The following TCF12 variants were observed in gnomAD, a reference collection of about 807,000 sequenced individuals.
The protein encoded by TCF12 is DNA-binding protein HTF4.
A neutral mutation model predicts 86.0 loss-of-function variants in TCF12; 45 were observed. The observed-to-expected ratio is 0.52, with a 90% CI of 0.41 to 0.67. The LOEUF (loss-of-function observed/expected upper bound fraction) is 0.67. Among genes scored for constraint, TCF12 ranks in the 30% least tolerant of loss-of-function variants. TCF12 has a pLI of 0.00. For synonymous variants in TCF12, 330 were observed against 299.6 expected (o/e 1.10, Z -1.05); for missense variants, 881 against 859.9 (o/e 1.02, Z -0.31).
intron 5 of TCF12, among the ~76,000 whole-genome samples, chr15:57,113,176 A>G (rs1202510343): frequency 6.6e-6 from 1 of 151,922 alleles, no homozygotes; most frequent in Non-Finnish European, 1.5e-5. Context: ...GTGACTCCCT[A>G]TTTCTAGAGC....
At chr15:57,109,115 A>C (rs2050322282) in intron 5 of TCF12, 1 of 152,204 alleles carries the variant, frequency 6.6e-6, no homozygotes, top group Non-Finnish European at 1.5e-5. Context: ...CTAAATCTCA[A>C]ATTTCCCTTT....
In TCF12 at chr15:56,954,663, A is replaced by C. The variant is rs185667230; in HGVS notation, c.148+33565A>C. On this transcript the variant is annotated intron_variant, in intron 3 of 20. Transcript: ENST00000333725. ...TACAAAATGGGAGAAGATTTTTGCA[A>C]TCTACCTATCTGACAAAGGGCTAAT... Among the ~76,000 whole-genome samples the C allele has an allele frequency of 2.0e-5, 3 of 152,342 alleles. No individual in the cohort carries two copies. In the East Asian group the frequency reaches 5.8e-4, roughly 29 times the overall value.
intron 3 of TCF12, among the ~76,000 whole-genome samples, chr15:57,020,363 A>C (rs1275271713): frequency 6.6e-6 from 1 of 152,138 alleles, no homozygotes; most frequent in African/African-American, 2.4e-5. Context: ...CTATTTCTTA[A>C]AGTATAGAAG....
chr15:56,975,947 G>A (rs2062572924), intron 3 of TCF12, among the ~76,000 whole-genome samples: 1 of 151,094 alleles, frequency 6.6e-6, no homozygotes, highest in Non-Finnish European at 1.5e-5. Context: ...AAGGACTCAG[G>A]GTCCAATTTG....
At position 57,272,487 on chromosome 15, in the gene TCF12, G is replaced by T. The variant is rs111977795; in HGVS notation, c.1746-543G>T. On this transcript the variant is annotated intron_variant, in intron 18 of 20. Coordinates refer to ENST00000333725, the MANE Select transcript of TCF12 (RefSeq NM_207037.2). ...TCTTAAGCTTTCCTTCTTTCTTTTCGCCAGGTAACCGCCAGAGTATATTTA... is the reference window on the plus strand; with the variant it reads ...TCTTAAGCTTTCCTTCTTTCTTTTCTCCAGGTAACCGCCAGAGTATATTTA... 1.6e-3 allele frequency among the ~76,000 whole-genome samples: 236 copies of T among 152,010 alleles called. 1 individual carries two copies. The highest frequency in any genetic ancestry group is 5.5e-3 in the African/African-American group (228 of 41,416).
At chr15:56,957,513 G>A (rs1236431779) in intron 3 of TCF12, among the ~76,000 whole-genome samples, 3 of 152,044 alleles carry the variant, frequency 2.0e-5, no homozygotes, top group African/African-American at 7.3e-5. Flanking sequence ...CCTGTTCAGT[G>A]TACTTTTCAT....
intron 8 of TCF12, among the ~76,000 whole-genome samples, chr15:57,223,643 G>GATTTTTTTTTT (rs2058707540): frequency 1.4e-5 from 1 of 69,666 alleles, no homozygotes; most frequent in Non-Finnish European, 2.8e-5. Context: ...TACCAATGAG[G>GATTTTTTTTTT]TTTTTTTTTT....
intron 3 of TCF12, among the ~76,000 whole-genome samples, chr15:56,978,710 A>T (rs578248278): frequency 2.4e-4 from 37 of 152,290 alleles, no homozygotes; most frequent in African/African-American, 8.9e-4. Flanking sequence ...CCTTGATAGA[A>T]AAATATCTTA....
intron 3 of TCF12, among the ~76,000 whole-genome samples, chr15:56,957,082 G>A (rs2140510072): frequency 6.6e-6 from 1 of 152,230 alleles, no homozygotes; most frequent in African/African-American, 2.4e-5. Flanking sequence ...TCCTCTTTTT[G>A]CCTTTCTGTG....
At chr15:56,955,508 A>G (rs2061471101) in intron 3 of TCF12, among the ~76,000 whole-genome samples, 1 of 152,186 alleles carries the variant, frequency 6.6e-6, no homozygotes, top group Non-Finnish European at 1.5e-5. Flanking sequence ...CTATGTATCA[A>G]AGCTGCAGGT....
At chr15:57,107,761 G>T (rs2733328) in intron 5 of TCF12, among the ~76,000 whole-genome samples, 136,485 of 151,940 alleles carry the variant, frequency 0.9, 61,675 homozygotes, top group East Asian at 0.97. Flanking sequence ...TTTAAGAAAT[G>T]AGCTGGGTTG....
intron 3 of TCF12, among the ~76,000 whole-genome samples, chr15:56,963,924 T>G (rs540401867): frequency 1.9e-3 from 295 of 152,242 alleles, no homozygotes; most frequent in Non-Finnish European, 3.1e-3. Flanking sequence ...AAGGCAAAAA[T>G]TTTGGCAGAG....
intron 4 of TCF12, among the ~76,000 whole-genome samples, chr15:57,071,148 T>G (rs1278904909): frequency 2.6e-5 from 4 of 151,984 alleles, no homozygotes; most frequent in African/African-American, 9.7e-5. Context: ...GGCTCACACC[T>G]GTAAACCCAG....
At chr15:56,987,362 G>C (rs1169726585) in intron 3 of TCF12, among the ~76,000 whole-genome samples, 1 of 152,128 alleles carries the variant, frequency 6.6e-6, no homozygotes, top group East Asian at 1.9e-4. Flanking sequence ...TGATCCACCT[G>C]CCTTGGCCTC....
Position 56,948,966 on chromosome 15 carries a change from C to T in TCF12, c.148+27868C>T, listed in dbSNP as rs560940009. On this transcript the variant is annotated intron_variant, in intron 3 of 20. Transcript: ENST00000333725. ...GTTAACTGAGTTTCTGGCATGATTTCTCTTGATTCCAGGCAGATTTTTTTG... is the reference window on the plus strand; with the variant it reads ...GTTAACTGAGTTTCTGGCATGATTTTTCTTGATTCCAGGCAGATTTTTTTG... Among the ~76,000 whole-genome samples, 132 of 151,740 alleles carry T rather than the reference C, an allele frequency of 8.7e-4. 1 individual carries two copies. The highest frequency in any genetic ancestry group is 3.1e-3 in the African/African-American group (129 of 41,056).
intron 5 of TCF12, among the ~76,000 whole-genome samples, chr15:57,138,745 G>A (rs1277124081): frequency 2.6e-5 from 4 of 152,014 alleles, no homozygotes; most frequent in Admixed American, 1.3e-4. Flanking sequence ...TGTTTATTGG[G>A]GTTCATAGAT....
chr15:57,176,535 T>C (rs1420708345), intron 6 of TCF12, among the ~76,000 whole-genome samples: 1 of 152,208 alleles, frequency 6.6e-6, no homozygotes, highest in Admixed American at 6.5e-5. Context: ...GTCCCCGCCA[T>C]ACTCAAGTGG....
At chr15:57,002,181 A>G (rs1434079475) in intron 3 of TCF12, among the ~76,000 whole-genome samples, 2 of 152,184 alleles carry the variant, frequency 1.3e-5, no homozygotes, top group East Asian at 3.8e-4. Flanking sequence ...CAAAGACATG[A>G]TGGTGATTGT....
At chr15:57,158,175 CAGAA>C (rs1221885824) in intron 5 of TCF12, among the ~76,000 whole-genome samples, 1 of 146,896 alleles carries the variant, frequency 6.8e-6, no homozygotes, top group Non-Finnish European at 1.5e-5. Flanking sequence ...GTTAAAGTCT[CAGAA>C]AGTCGTTTCT....
Sources: gnomAD v4.1 joint callset for allele counts (sites outside exome capture counted in the v4.1 genomes callset) on GRCh38, gnomAD v4.1.1 for gene constraint, MANE v1.5 for transcripts, NCBI Gene and HGNC (gene_info 2026-07-23, HGNC 2026-07-21) for gene names.